The following CDH13 variants were observed in gnomAD, a reference collection of about 807,000 sequenced individuals.
CDH13 encodes the protein cadherin 13, also known as cadherin-13.
CDH13 carries 24 observed loss-of-function variants against 63.8 expected under a neutral mutation model. That is an observed-to-expected ratio of 0.38 (90% CI 0.27 to 0.53). CDH13 has a LOEUF of 0.53. Ranked by LOEUF, CDH13 falls within the 20% of genes least tolerant of loss-of-function variation. The pLI is 0.85. For synonymous variants in CDH13, 503 were observed against 355.3 expected (o/e 1.42, Z -4.67); for missense variants, 1,049 against 903.1 (o/e 1.16, Z -2.07).
rs529726148 is a variant in CDH13, at chr16:83,774,318, G to A, written c.1682-5650G>A. On this transcript the variant is annotated intron_variant, in intron 11 of 13. Coordinates refer to ENST00000567109, the MANE Select transcript of CDH13 (RefSeq NM_001257.5). ...ATAGTCATTTCCAGCAAGCAAAATA[G>A]GAACAGGAAGCTAAGAATCTCAAAT... Among the ~76,000 whole-genome samples the A allele has an allele frequency of 2.0e-5, 3 of 152,224 alleles. No individual in the cohort carries two copies. The Middle Eastern group carries it at 0.01, about 518-fold the overall frequency.
intron 2 of CDH13, among the ~76,000 whole-genome samples, chr16:82,862,904 C>T (rs1293345117): frequency 6.6e-6 from 1 of 152,230 alleles, no homozygotes; most frequent in East Asian, 1.9e-4. Context: ...CATCTTGTAG[C>T]TTCCAGCTTT....
chr16:82,757,329 A>C (rs879359651), intron 1 of CDH13, among the ~76,000 whole-genome samples: 1 of 152,146 alleles, frequency 6.6e-6, no homozygotes. Context: ...TTTTCTTGAT[A>C]TTTGAACTTC....
chr16:82,854,563 G>A (rs2039615596), intron 1 of CDH13, among the ~76,000 whole-genome samples: 1 of 152,150 alleles, frequency 6.6e-6, no homozygotes, highest in African/African-American at 2.4e-5. Flanking sequence ...TGTGTTACAT[G>A]AAACTCAAAG....
intron 6 of CDH13, among the ~76,000 whole-genome samples, chr16:83,405,703 C>A (rs74742304): frequency 0.06 from 9,173 of 152,280 alleles, 297 homozygotes; most frequent in African/African-American, 0.067. Context: ...ATAAGTACCA[C>A]ACTCTGTATG....
intron 11 of CDH13, among the ~76,000 whole-genome samples, chr16:83,753,310 G>T (rs1276510857): frequency 6.6e-6 from 1 of 152,152 alleles, no homozygotes; most frequent in Non-Finnish European, 1.5e-5. Flanking sequence ...TTGGGAGGCT[G>T]AGGTTGGCAG....
At chr16:83,428,203 C>A (rs886375481) in intron 6 of CDH13, among the ~76,000 whole-genome samples, 1 of 152,146 alleles carries the variant, frequency 6.6e-6, no homozygotes, top group Non-Finnish European at 1.5e-5. Flanking sequence ...TATTATTGAA[C>A]TTCATGTGAC....
chr16:83,006,185 A>G (rs572980425), intron 2 of CDH13, among the ~76,000 whole-genome samples: 9 of 152,294 alleles, frequency 5.9e-5, no homozygotes, highest in East Asian at 5.8e-4. Flanking sequence ...TCAAGTCTCA[A>G]TCACATCACT....
intron 8 of CDH13, among the ~76,000 whole-genome samples, chr16:83,605,091 C>G (rs1260565173): frequency 1.3e-5 from 2 of 152,160 alleles, no homozygotes; most frequent in Non-Finnish European, 2.9e-5. Context: ...AAAAGAGACA[C>G]TGAGTAGCAT....
At chr16:83,087,098 A>G (rs934498056) in intron 3 of CDH13, among the ~76,000 whole-genome samples, 1 of 152,218 alleles carries the variant, frequency 6.6e-6, no homozygotes, top group Non-Finnish European at 1.5e-5. Flanking sequence ...AAAACAATCA[A>G]TGAACCAAAT....
chr16:83,762,445 T>C (rs905488018), intron 11 of CDH13, among the ~76,000 whole-genome samples: 8 of 151,682 alleles, frequency 5.3e-5, no homozygotes. Context: ...GGGAATGCAA[T>C]AAAATGGAAT....
chr16:83,281,033 C>T (rs796829439), intron 5 of CDH13, among the ~76,000 whole-genome samples: 5 of 152,180 alleles, frequency 3.3e-5, no homozygotes, highest in African/African-American at 9.7e-5. Context: ...ATTTTACCCC[C>T]TAACCAGAGA....
intron 2 of CDH13, among the ~76,000 whole-genome samples, chr16:82,928,534 A>G (rs2042378556): frequency 6.6e-6 from 1 of 152,218 alleles, no homozygotes; most frequent in Non-Finnish European, 1.5e-5. Context: ...ATATCTGCCA[A>G]TCCTTTGGGC....
intron 2 of CDH13, among the ~76,000 whole-genome samples, chr16:82,905,638 C>G (rs913509659): frequency 6.6e-6 from 1 of 152,116 alleles, no homozygotes; most frequent in Non-Finnish European, 1.5e-5. Flanking sequence ...TTTAAATTTT[C>G]TAGTAGGTGC....
At chr16:83,340,268 T>C (rs889246719) in intron 5 of CDH13, among the ~76,000 whole-genome samples, 3 of 151,890 alleles carry the variant, frequency 2.0e-5, no homozygotes, top group African/African-American at 7.3e-5. Flanking sequence ...GTGTGTGCTA[T>C]GTCTGTGGTA....
At chr16:83,067,798 G>A (rs150073898) in intron 3 of CDH13, among the ~76,000 whole-genome samples, 429 of 152,206 alleles carry the variant, frequency 2.8e-3, no homozygotes, top group African/African-American at 4.2e-3. Context: ...CTCTCCTTCC[G>A]TCAGCCTGCT....
At chr16:83,291,574 A>T (rs1225697074) in intron 5 of CDH13, among the ~76,000 whole-genome samples, 1 of 151,990 alleles carries the variant, frequency 6.6e-6, no homozygotes, top group African/African-American at 2.4e-5. Context: ...ATGCAAAAAT[A>T]ATCCAAGATA....
intron 8 of CDH13, among the ~76,000 whole-genome samples, chr16:83,603,501 A>C (rs901305469): frequency 6.6e-6 from 1 of 152,228 alleles, no homozygotes; most frequent in Admixed American, 6.5e-5. Flanking sequence ...TGGACAGAAA[A>C]AGTGGCAGAA....
chr16:83,118,153 G>C (rs569403967), intron 3 of CDH13, among the ~76,000 whole-genome samples: 1 of 152,302 alleles, frequency 6.6e-6, no homozygotes, highest in South Asian at 2.1e-4. Context: ...TCCGGAGACT[G>C]CTGTGGGGGG....
intron 6 of CDH13, among the ~76,000 whole-genome samples, chr16:83,364,227 C>T (rs754610947): frequency 6.6e-6 from 1 of 152,084 alleles, no homozygotes; most frequent in Non-Finnish European, 1.5e-5. Flanking sequence ...AGTCCACATA[C>T]AAAATGGCAG....
Sources: allele counts gnomAD v4.1 joint callset (sites outside exome capture counted in the v4.1 genomes callset), GRCh38; gene constraint gnomAD v4.1.1; transcripts MANE v1.5; gene names NCBI Gene and HGNC (gene_info 2026-07-23, HGNC 2026-07-21).